Variants in TPP2 observed in about 807,000 individuals in gnomAD.
The protein encoded by TPP2 is tripeptidyl peptidase 2.
TPP2 carries 34 observed loss-of-function variants against 155.9 expected under a neutral mutation model. The ratio of observed to expected loss-of-function variants is 0.22; its 90% CI spans 0.17 to 0.29. The LOEUF (loss-of-function observed/expected upper bound fraction) is 0.29. Among genes scored for constraint, TPP2 ranks in the 10% least tolerant of loss-of-function variants. The pLI, the probability that TPP2 is intolerant of heterozygous loss-of-function variation, is 1.00. For missense variants in TPP2, 1,028 were observed against 1,522.3 expected, an observed-to-expected ratio of 0.68 and a Z score of 5.40; for synonymous variants, 510 against 529.4, an observed-to-expected ratio of 0.96 and a Z score of 0.50.
chr13:102,666,718 C>T (rs1325353316), intron 27 of TPP2, among the ~76,000 whole-genome samples: 1 of 137,522 alleles, frequency 7.3e-6, no homozygotes, highest in Non-Finnish European at 1.6e-5. Context: ...TAAACTAATA[C>T]GATATTAGTT....
chr13:102,648,165 T>C (rs991356785), intron 21 of TPP2, among the ~76,000 whole-genome samples: 1 of 152,230 alleles, frequency 6.6e-6, no homozygotes, highest in Non-Finnish European at 1.5e-5. Flanking sequence ...TCCCTTGATC[T>C]CTATTGGTTT....
At chr13:102,661,607 A>G (rs753241260) in intron 25 of TPP2, among the ~76,000 whole-genome samples, 22 of 152,200 alleles carry the variant, frequency 1.4e-4, no homozygotes, top group Non-Finnish European at 2.6e-4. Context: ...TCAATTTTTT[A>G]AATGGGTGAG....
At chr13:102,638,170 T>A in intron 14 of TPP2, 69 bp from the exon 15 acceptor site, 2 of 1,426,990 alleles carry the variant, frequency 1.4e-6, no homozygotes, top group South Asian at 2.3e-5. Context: ...CTGTCAGTAG[T>A]TTAGACCTTC....
intron 11 of TPP2, 62 bp downstream of exon 11, chr13:102,634,160 C>A: frequency 1.2e-6 from 2 of 1,601,164 alleles, no homozygotes; most frequent in Non-Finnish European, 1.7e-6. Flanking sequence ...TTCTGAAGCT[C>A]TCATGGTAAG....
In TPP2 at chr13:102,678,834, C is replaced by T. The variant is rs1196618625; in HGVS notation, c.*518C>T. 1.3e-4 allele frequency: 15 copies of T among 118,308 alleles called. No homozygotes were observed. Among genetic ancestry groups the T allele is most frequent in the African/African-American group, 3.8e-4 (12 of 31,512 alleles). The allele number at this position is 118,308 out of a possible 1,614,324, so 7.3% of individuals were successfully genotyped here. On this transcript the variant is annotated 3_prime_UTR_variant, in exon 30 of 30. Coordinates refer to ENST00000376052, the MANE Select transcript of TPP2 (RefSeq NM_001330588.2). ...TTTTTTTTTGGCAAATGTTTACATT[C>T]AATTAAGGGGAAAAAGTAGAACCAG...
chr13:102,640,176 A>G (rs1882658795), intron 15 of TPP2, 94 bp from the exon 16 acceptor site: 3 of 959,046 alleles, frequency 3.1e-6, no homozygotes, highest in Non-Finnish European at 4.5e-6. Context: ...GTTTATTTCC[A>G]ATGAATTGTT....
At chr13:102,678,092 G>C (rs1487649645) in intron 29 of TPP2, 135 bp from the exon 30 acceptor site, 3 of 817,168 alleles carry the variant, frequency 3.7e-6, no homozygotes, top group Non-Finnish European at 3.6e-6. Context: ...TCAATGGGTG[G>C]GTGACGGTTG....
At chr13:102,648,873 T>A in intron 21 of TPP2, 34 bp from the exon 22 acceptor site, 1 of 1,557,784 alleles carries the variant, frequency 6.4e-7, no homozygotes, top group East Asian at 2.2e-5. Context: ...TTGGTTAAAC[T>A]TAACTTTTCC....
At chr13:102,640,194 G>A (rs376719266) in intron 15 of TPP2, 76 bp from the exon 16 acceptor site, 17 of 1,103,240 alleles carry the variant, frequency 1.5e-5, no homozygotes, top group South Asian at 1.2e-4. Context: ...GTTATTTTGC[G>A]TTTATCCAAT....
At chr13:102,642,925 G>A (rs180774933) in intron 16 of TPP2, among the ~76,000 whole-genome samples, 2 of 152,350 alleles carry the variant, frequency 1.3e-5, no homozygotes. Flanking sequence ...TAATGTAATT[G>A]TGTATGCATC....
intron 14 of TPP2, 150 bp from the exon 15 acceptor site, chr13:102,638,089 A>G: frequency 1.5e-6 from 1 of 659,980 alleles, no homozygotes; most frequent in Non-Finnish European, 2.6e-6. Context: ...GCTATTAATT[A>G]TGTGACCTAG....
chr13:102,616,585 A>T, intron 4 of TPP2, 85 bp downstream of exon 4: 4 of 1,134,976 alleles, frequency 3.5e-6, no homozygotes, highest in Non-Finnish European at 4.7e-6. Context: ...CTGTTTTTCC[A>T]CAAGTTTTCT....
intron 2 of TPP2, 90 bp from the exon 3 acceptor site, chr13:102,614,011 T>G: frequency 9.3e-7 from 1 of 1,079,514 alleles, no homozygotes; most frequent in East Asian, 2.5e-5. Context: ...CTTATTAGAG[T>G]AGAAGTAATA....
rs1189492583 is a variant in TPP2, at chr13:102,657,315, G to A, written c.3143+108G>A. The stretch of plus-strand genomic sequence containing the variant: ...ACCGTATTTAAAATTATTAACAGCA[G>A]TTGGTAGGATTATAGGTGCTTTTAA... On this transcript the variant is annotated intron_variant, in intron 25 of 29. Coordinates refer to ENST00000376052, the MANE Select transcript of TPP2 (RefSeq NM_001330588.2). 4 of 854,810 alleles carry A rather than the reference G, an allele frequency of 4.7e-6. No homozygotes were observed. In the Admixed American group the frequency reaches 1.5e-4, roughly 32 times the overall value. 53.0% of individuals were successfully genotyped at this position (854,810 alleles called of 1,614,324 possible). A position where few individuals can be genotyped will look rare whatever the true frequency, so the allele number is the denominator to read the frequency against.
Position 102,629,520 on chromosome 13 carries a change from A to G in TPP2, c.1055A>G (p.His352Arg). ...CEVINEAVWK[H>R]NIIYVSSAGN... ...GTAATTAATGAAGCAGTATGGAAGC[A>G]TAATATAATTTATGTTTCAAGTGCT... is the stretch of plus-strand genomic sequence containing the variant. Residue 352 changes from histidine to arginine, a missense_variant, in exon 9 of 30, where the codon CAT becomes CGT. Transcript: ENST00000376052. The G allele has an allele frequency of 1.3e-6, 2 of 1,532,102 alleles. No homozygotes were observed. Among genetic ancestry groups the G allele is most frequent in the Non-Finnish European group, 1.7e-6 (2 of 1,150,202 alleles). 94.9% of individuals were successfully genotyped at this position (1,532,102 alleles called of 1,614,324 possible). A position where few individuals can be genotyped will look rare whatever the true frequency, so the allele number is the denominator to read the frequency against.
intron 28 of TPP2, among the ~76,000 whole-genome samples, chr13:102,675,515 A>G (rs1885231599): frequency 6.6e-6 from 1 of 152,200 alleles, no homozygotes; most frequent in African/African-American, 2.4e-5. Context: ...ATTTGCTGTT[A>G]TTGCAAACAA....
intron 6 of TPP2, among the ~76,000 whole-genome samples, chr13:102,624,976 C>T (rs1378491280): frequency 1.3e-5 from 2 of 148,944 alleles, no homozygotes; most frequent in African/African-American, 5.0e-5. Flanking sequence ...TCTCCTGCCT[C>T]AGCCTCCTGG....
intron 17 of TPP2, 70 bp downstream of exon 17, chr13:102,643,446 A>C: frequency 7.7e-7 from 1 of 1,298,080 alleles, no homozygotes; most frequent in Non-Finnish European, 1.0e-6. Context: ...AAGACTAAGT[A>C]TTTGCATTTG....
chr13:102,606,370 C>G (rs560653908), intron 2 of TPP2, among the ~76,000 whole-genome samples: 1 of 152,246 alleles, frequency 6.6e-6, no homozygotes, highest in Admixed American at 6.5e-5. Context: ...ATCACTGATT[C>G]CATGGGGTAG....
Sources: gnomAD v4.1 joint callset for allele counts (sites outside exome capture counted in the v4.1 genomes callset) on GRCh38, gnomAD v4.1.1 for gene constraint, MANE v1.5 for transcripts, NCBI Gene and HGNC (gene_info 2026-07-23, HGNC 2026-07-21) for gene names.